Variants in SETD7 observed in about 807,000 individuals in gnomAD.
The protein encoded by SETD7 is histone-lysine N-methyltransferase SETD7.
A neutral mutation model predicts 41.8 loss-of-function variants in SETD7; 16 were observed. The ratio of observed to expected loss-of-function variants is 0.38; its 90% confidence interval spans 0.26 to 0.58. SETD7 has a LOEUF of 0.58. Ranked by LOEUF, SETD7 falls within the 20% of genes least tolerant of loss-of-function variation. SETD7 has a pLI of 0.64. For synonymous variants in SETD7, 163 were observed against 169.7 expected, an observed-to-expected ratio of 0.96 and a Z score of 0.31; for missense variants, 346 against 459.7, an observed-to-expected ratio of 0.75 and a Z score of 2.26.
chr4:139,533,991 A>ATG lies in SETD7; in HGVS notation c.171-626_171-625insCA, dbSNP rs58161317. ...TATGTATGTATGTATGTATGTATGT[A>ATG]TATCTATGTATATACATACATCCAT... On this transcript the variant is annotated intron_variant, in intron 2 of 7. Transcript: ENST00000274031. Among the ~76,000 whole-genome samples, 942 of 150,860 alleles carry ATG rather than the reference A, an allele frequency of 6.2e-3. 10 individuals carry two copies. Among genetic ancestry groups the ATG allele is most frequent in the African/African-American group, 0.017 (683 of 40,558 alleles).
chr4:139,493,438 G>A (rs1726393123), downstream of SETD7, among the ~76,000 whole-genome samples: 1 of 152,078 alleles, frequency 6.6e-6, no homozygotes, highest in South Asian at 2.1e-4. Context: ...TACTGGAGAG[G>A]GAGCAGGAGC....
intron 1 of SETD7, among the ~76,000 whole-genome samples, chr4:139,554,949 G>A (rs1270941389): frequency 6.6e-6 from 1 of 151,988 alleles, no homozygotes; most frequent in Non-Finnish European, 1.5e-5. Flanking sequence ...ATACAAATCA[G>A]ACAGAAACCA....
At chr4:139,553,088 C>T (rs1194611219) in intron 1 of SETD7, among the ~76,000 whole-genome samples, 1 of 152,154 alleles carries the variant, frequency 6.6e-6, no homozygotes, top group Non-Finnish European at 1.5e-5. Flanking sequence ...CTGCCTTCTT[C>T]CCACAAGAGC....
chr4:139,504,304 A>G (rs572751629), downstream of SETD7, among the ~76,000 whole-genome samples: 2 of 152,336 alleles, frequency 1.3e-5, no homozygotes, highest in South Asian at 4.1e-4. Flanking sequence ...GTTTTTGTAA[A>G]TAAACAAAAC....
At chr4:139,496,190 G>C in exon 8 of SETD7, 2 of 492,804 alleles carry the variant, frequency 4.1e-6, no homozygotes, top group Non-Finnish European at 7.1e-6. Flanking sequence ...TCCCCCCTCT[G>C]GTGACTTTAT....
Position 139,507,495 on chromosome 4 carries a change from A to C in SETD7, c.*4168T>G, listed in dbSNP as rs1006913398. 6.6e-6 allele frequency: 1 copy of C among 152,624 alleles called. No homozygotes were observed. Among genetic ancestry groups the C allele is most frequent in the African/African-American group, 2.4e-5 (1 of 41,434 alleles). The allele number at this position is 152,624 out of a possible 1,614,324, so 9.5% of individuals were successfully genotyped here. The stretch of plus-strand genomic sequence containing the variant: ...AATAGACTCAGATAATTCTCACCAA[A>C]ATTTTTGTAATGTGTTTAAGTAGCA... On this transcript the variant is annotated 3_prime_UTR_variant, in exon 8 of 8. Coordinates refer to ENST00000274031, the MANE Select transcript of SETD7 (RefSeq NM_030648.4).
chr4:139,511,402 C>T lies in SETD7; in HGVS notation c.*261G>A. Reference sequence around the variant, plus strand: ...ATGTGGTACAGATTTAGACTTGAACCACCAAAGAACATCACGCTGTCTTAT... The same window carrying T: ...ATGTGGTACAGATTTAGACTTGAACTACCAAAGAACATCACGCTGTCTTAT... On this transcript the variant is annotated 3_prime_UTR_variant, in exon 8 of 8. Transcript: ENST00000274031. 1 of 450,528 alleles carries T rather than the reference C, an allele frequency of 2.2e-6. No individual in the cohort carries two copies. Among genetic ancestry groups the T allele is most frequent in the South Asian group, 2.7e-5 (1 of 36,844 alleles). 27.9% of individuals were successfully genotyped at this position (450,528 alleles called of 1,614,324 possible).
chr4:139,509,677 C>T lies in SETD7; in HGVS notation c.*1986G>A. 7 of 984,646 alleles carry T rather than the reference C, an allele frequency of 7.1e-6. No individual in the cohort carries two copies. Among genetic ancestry groups the T allele is most frequent in the Non-Finnish European group, 8.4e-6 (7 of 829,154 alleles). The allele number at this position is 984,646 out of a possible 1,614,324, so 61.0% of individuals were successfully genotyped here. A position where few individuals can be genotyped will look rare whatever the true frequency, so the allele number is the denominator to read the frequency against. ...TGAAGACAGTCACTCCCTTTGGGCA[C>T]ATTTAAATTAAAGCACCTATCAGAA... On this transcript the variant is annotated 3_prime_UTR_variant, in exon 8 of 8. Coordinates refer to ENST00000274031, the MANE Select transcript of SETD7 (RefSeq NM_030648.4).
At chr4:139,536,175 C>T (rs182813642) in intron 2 of SETD7, among the ~76,000 whole-genome samples, 1 of 152,262 alleles carries the variant, frequency 6.6e-6, no homozygotes, top group East Asian at 1.9e-4. Flanking sequence ...TTTGCTAATC[C>T]CTGCTCTAAA....
At chr4:139,497,983 G>A (rs1726497932) in intron 7 of SETD7, among the ~76,000 whole-genome samples, 1 of 152,116 alleles carries the variant, frequency 6.6e-6, no homozygotes, top group Non-Finnish European at 1.5e-5. Context: ...AAATTAATGG[G>A]TTGTTTTGGA....
intron 1 of SETD7, among the ~76,000 whole-genome samples, chr4:139,552,909 T>G (rs984798051): frequency 6.6e-6 from 1 of 152,200 alleles, no homozygotes; most frequent in African/African-American, 2.4e-5. Flanking sequence ...TATCTATGGG[T>G]AGACAAAGAA....
At chr4:139,505,041 T>G (rs6821008), downstream of SETD7, among the ~76,000 whole-genome samples, 15 of 152,226 alleles carry the variant, frequency 9.9e-5, no homozygotes, top group African/African-American at 3.6e-4. Flanking sequence ...AACATCAGTT[T>G]GGACCCAGTC....
chr4:139,513,238 G>A (rs1185075410), intron 7 of SETD7, among the ~76,000 whole-genome samples: 1 of 151,678 alleles, frequency 6.6e-6, no homozygotes, highest in African/African-American at 2.4e-5. Flanking sequence ...TGGCCAATGT[G>A]GTGAAACCCC....
At chr4:139,522,960 G>A (rs1372524512) in intron 5 of SETD7, among the ~76,000 whole-genome samples, 1 of 151,788 alleles carries the variant, frequency 6.6e-6, no homozygotes, top group African/African-American at 2.4e-5. Context: ...CACCATGTTG[G>A]CCAGGCTGGT....
At chr4:139,521,450 T>C (rs944016172) in intron 5 of SETD7, among the ~76,000 whole-genome samples, 2 of 151,004 alleles carry the variant, frequency 1.3e-5, no homozygotes, top group African/African-American at 4.9e-5. Flanking sequence ...AAAAAAGCGC[T>C]CATAATTACG....
intron 2 of SETD7, among the ~76,000 whole-genome samples, chr4:139,534,100 C>T (rs2592970): frequency 0.68 from 103,698 of 151,920 alleles, 35,862 homozygotes; most frequent in African/African-American, 0.8. Flanking sequence ...TTGAGACCCA[C>T]GGTCCTATAC....
At position 139,508,125 on chromosome 4, in the gene SETD7, T is replaced by C. The variant is rs1040343347; in HGVS notation, c.*3538A>G. 1 of 152,228 alleles carries C rather than the reference T, an allele frequency of 6.6e-6. No homozygotes were observed. The highest frequency in any genetic ancestry group is 2.4e-5 in the African/African-American group (1 of 41,450). 9.4% of individuals were successfully genotyped at this position (152,228 alleles called of 1,614,324 possible). A position where few individuals can be genotyped will look rare whatever the true frequency, so the allele number is the denominator to read the frequency against. On this transcript the variant is annotated 3_prime_UTR_variant, in exon 8 of 8. Transcript: ENST00000274031. ...AACCCTTTAATTCACTGTTCACAAT[T>C]AATGCAATTTTAATAGTTATATTTA...
At chr4:139,513,552 G>A (rs1158230054) in intron 7 of SETD7, among the ~76,000 whole-genome samples, 6 of 152,126 alleles carry the variant, frequency 3.9e-5, no homozygotes, top group Non-Finnish European at 7.4e-5. Flanking sequence ...GAGTAAAAAG[G>A]AACAACCTTT....
chr4:139,511,503 C>A lies in SETD7; in HGVS notation c.*160G>T. On this transcript the variant is annotated 3_prime_UTR_variant, in exon 8 of 8. Transcript: ENST00000274031. ...AATTTTAAATCTGGTATGAGTAATA[C>A]AGTCAAACCTAGTTAGTATGCGAGA... The A allele has an allele frequency of 1.5e-6, 2 of 1,344,042 alleles. No homozygotes were observed. Among genetic ancestry groups the A allele is most frequent in the Non-Finnish European group, 2.0e-6 (2 of 979,502 alleles). 83.3% of individuals were successfully genotyped at this position (1,344,042 alleles called of 1,614,324 possible).
Sources: allele counts gnomAD v4.1 joint callset (sites outside exome capture counted in the v4.1 genomes callset), GRCh38; gene constraint gnomAD v4.1.1; transcripts MANE v1.5; gene names NCBI Gene and HGNC (gene_info 2026-07-23, HGNC 2026-07-21).